CFAP300: variants seen among roughly 807,000 people sequenced by gnomAD.
CFAP300 encodes cilia and flagella associated protein 300.
Under a neutral mutation model 33.0 loss-of-function variants are expected in CFAP300, and 32 were observed. The ratio of observed to expected loss-of-function variants is 0.97; its 90% CI spans 0.73 to 1.30. The LOEUF (loss-of-function observed/expected upper bound fraction) is 1.30. Among genes scored for constraint, CFAP300 ranks in the 50% most tolerant of loss-of-function variants. The pLI is 0.00. For missense variants in CFAP300, 356 were observed against 318.1 expected (o/e 1.12, Z -0.90); for synonymous variants, 102 against 106.8 (o/e 0.95, Z 0.28).
intron 4 of CFAP300, among the ~76,000 whole-genome samples, chr11:102,069,562 G>A (rs541181767): frequency 3.3e-4 from 50 of 152,166 alleles, no homozygotes; most frequent in African/African-American, 1.1e-3. Flanking sequence ...CAGCACTTTG[G>A]GAGGCAGAGG....
chr11:102,074,690 A>G (rs1309646805), intron 4 of CFAP300, among the ~76,000 whole-genome samples: 1 of 148,254 alleles, frequency 6.7e-6, no homozygotes, highest in Non-Finnish European at 1.5e-5. Flanking sequence ...TATTATATCT[A>G]TATTTTACTT....
chr11:102,061,989 T>C (rs1316066494), intron 3 of CFAP300, among the ~76,000 whole-genome samples: 3 of 152,058 alleles, frequency 2.0e-5, no homozygotes, highest in Non-Finnish European at 2.9e-5. Context: ...TAAATTCATA[T>C]GTTTAACCCC....
At chr11:102,057,272 G>A (rs1942074131) in intron 2 of CFAP300, among the ~76,000 whole-genome samples, 1 of 151,220 alleles carries the variant, frequency 6.6e-6, no homozygotes, top group African/African-American at 2.4e-5. Flanking sequence ...CCGGGAGGCA[G>A]AGGTTGCAGT....
chr11:102,075,513 T>A (rs777402803), intron 4 of CFAP300, among the ~76,000 whole-genome samples: 15 of 152,198 alleles, frequency 9.9e-5, no homozygotes, highest in Non-Finnish European at 1.8e-4. Context: ...ACGGAGGCCT[T>A]ATGGGATGGA....
At chr11:102,058,735 A>G (rs1942095729) in intron 2 of CFAP300, 145 bp from the exon 3 acceptor site, 1 of 570,062 alleles carries the variant, frequency 1.8e-6, no homozygotes, top group South Asian at 2.5e-5. Context: ...TCATTTATTT[A>G]TAAACTCTTT....
chr11:102,070,080 G>A (rs1942289461), intron 4 of CFAP300, among the ~76,000 whole-genome samples: 1 of 152,252 alleles, frequency 6.6e-6, no homozygotes, highest in Admixed American at 6.5e-5. Flanking sequence ...TCTTAAGCCA[G>A]ATCTTCAGAT....
At chr11:102,059,334 T>C (rs145936787) in intron 3 of CFAP300, among the ~76,000 whole-genome samples, 34 of 151,008 alleles carry the variant, frequency 2.3e-4, no homozygotes, top group African/African-American at 6.8e-4. Context: ...TGTACTAATA[T>C]GTCAAAGGTG....
At chr11:102,063,489 T>C (rs1942181324) in intron 3 of CFAP300, among the ~76,000 whole-genome samples, 1 of 152,204 alleles carries the variant, frequency 6.6e-6, no homozygotes. Flanking sequence ...ATTTTTATGA[T>C]ATTTAGAAGA....
At chr11:102,051,219 G>T (rs1941964757) in intron 2 of CFAP300, among the ~76,000 whole-genome samples, 1 of 152,130 alleles carries the variant, frequency 6.6e-6, no homozygotes, top group East Asian at 1.9e-4. Flanking sequence ...CATACAAGTG[G>T]CAGTATTCTA....
intron 3 of CFAP300, among the ~76,000 whole-genome samples, chr11:102,064,434 C>T (rs1005614197): frequency 6.6e-6 from 1 of 152,146 alleles, no homozygotes; most frequent in African/African-American, 2.4e-5. Context: ...GAGGATCTTA[C>T]CTCTAAACAA....
chr11:102,073,394 G>A (rs1204668945), intron 4 of CFAP300, among the ~76,000 whole-genome samples: 1 of 152,210 alleles, frequency 6.6e-6, no homozygotes, highest in Admixed American at 6.5e-5. Flanking sequence ...CCAGATGTCA[G>A]CAGTGGTGGA....
chr11:102,075,823 A>G (rs1245508110), intron 4 of CFAP300, 50 bp from the exon 5 acceptor site: 1 of 1,428,094 alleles, frequency 7.0e-7, no homozygotes, highest in African/African-American at 1.4e-5. Context: ...TTGAAAACAA[A>G]AGTAAAAATC....
rs993128465 is a variant in CFAP300 at position 102,084,139 on chromosome 11, G to A, written c.*940G>A. On this transcript the variant is annotated 3_prime_UTR_variant, in exon 7 of 7. Transcript: ENST00000434758. ...CAGAGAAAGTTGCCTGATGGCATTA[G>A]TAAGTCGTTCAAAGAGTGAGAAGCA... is the stretch of plus-strand genomic sequence containing the variant. 6.6e-6 allele frequency: 1 copy of A among 152,260 alleles called. No individual in the cohort carries two copies. Among genetic ancestry groups the A allele is most frequent in the Non-Finnish European group, 1.5e-5 (1 of 68,044 alleles). The allele number at this position is 152,260 out of a possible 1,614,324, so 9.4% of individuals were successfully genotyped here. A position where few individuals can be genotyped will look rare whatever the true frequency, so the allele number is the denominator to read the frequency against.
At chr11:102,049,121 T>C (rs1941931459) in intron 2 of CFAP300, among the ~76,000 whole-genome samples, 1 of 152,212 alleles carries the variant, frequency 6.6e-6, no homozygotes, top group Admixed American at 6.5e-5. Flanking sequence ...AGGAGAACAT[T>C]AGGTAGGATT....
At chr11:102,065,065 T>A (rs1942202454) in intron 3 of CFAP300, among the ~76,000 whole-genome samples, 1 of 152,142 alleles carries the variant, frequency 6.6e-6, no homozygotes, top group African/African-American at 2.4e-5. Context: ...AAACCGTCTT[T>A]TATAGTAAAT....
At position 102,083,366 on chromosome 11, in the gene CFAP300, T is replaced by A; in HGVS notation, c.*167T>A. Reference sequence around the variant, plus strand: ...CAAGATGCCTTTTTAAAAATTTGTGTGGAATACTAACCGGGGATCAAATTT... The same window carrying A: ...CAAGATGCCTTTTTAAAAATTTGTGAGGAATACTAACCGGGGATCAAATTT... On this transcript the variant is annotated 3_prime_UTR_variant, in exon 7 of 7. Coordinates refer to ENST00000434758, the MANE Select transcript of CFAP300 (RefSeq NM_032930.3). The A allele has an allele frequency of 2.5e-6, 1 of 401,552 alleles. No individual in the cohort carries two copies. Among genetic ancestry groups the A allele is most frequent in the Non-Finnish European group, 4.1e-6 (1 of 246,410 alleles). 24.9% of individuals were successfully genotyped at this position (401,552 alleles called of 1,614,324 possible).
chr11:102,056,255 A>G (rs1291975083), intron 2 of CFAP300, among the ~76,000 whole-genome samples: 2 of 152,208 alleles, frequency 1.3e-5, no homozygotes, highest in Non-Finnish European at 2.9e-5. Flanking sequence ...TTTTGACACT[A>G]CAAACCATAC....
At chr11:102,064,874 TAGC>T (rs1158162912) in intron 3 of CFAP300, among the ~76,000 whole-genome samples, 2 of 152,164 alleles carry the variant, frequency 1.3e-5, no homozygotes, top group Non-Finnish European at 2.9e-5. Context: ...GGACCTCTAG[TAGC>T]AGAAAATCCA....
At chr11:102,078,856 A>G (rs948524794) in intron 5 of CFAP300, among the ~76,000 whole-genome samples, 4 of 152,106 alleles carry the variant, frequency 2.6e-5, no homozygotes, top group Non-Finnish European at 4.4e-5. Flanking sequence ...CTACAGGCGC[A>G]TGCCACCATG....
Sources: gnomAD v4.1 joint callset for allele counts (sites outside exome capture counted in the v4.1 genomes callset) on GRCh38, gnomAD v4.1.1 for gene constraint, MANE v1.5 for transcripts, NCBI Gene and HGNC (gene_info 2026-07-23, HGNC 2026-07-21) for gene names.